Variants in CNGB1 observed in about 807,000 individuals in gnomAD.
CNGB1 encodes cyclic nucleotide gated channel subunit beta 1, also known as cyclic nucleotide-gated channel beta-1.
A neutral mutation model predicts 151.7 loss-of-function variants in CNGB1; 126 were observed. That is an observed-to-expected ratio of 0.83 (90% CI 0.72 to 0.96). The LOEUF (loss-of-function observed/expected upper bound fraction) is 0.96. Among genes scored for constraint, CNGB1 ranks in the 40% least tolerant of loss-of-function variants. The pLI, the probability that CNGB1 is intolerant of heterozygous loss-of-function variation, is 0.00. For synonymous variants in CNGB1, 623 were observed against 635.1 expected (o/e 0.98, Z 0.29); for missense variants, 1,698 against 1,627.0 (o/e 1.04, Z -0.75).
At chr16:57,963,841 C>T (rs750378208) in intron 4 of CNGB1, 31 of 505,140 alleles carry the variant, frequency 6.1e-5, no homozygotes, top group Non-Finnish European at 1.0e-4. Context: ...AATTAACAGT[C>T]TAATGAATGA....
At chr16:57,942,088 C>T (rs1428095828) in intron 14 of CNGB1, among the ~76,000 whole-genome samples, 1 of 152,048 alleles carries the variant, frequency 6.6e-6, no homozygotes, top group Non-Finnish European at 1.5e-5. Flanking sequence ...TGCTACATTG[C>T]CCAGGCTGGT....
At chr16:57,900,119 C>T (rs1960346786) in intron 29 of CNGB1, among the ~76,000 whole-genome samples, 1 of 152,234 alleles carries the variant, frequency 6.6e-6, no homozygotes, top group Admixed American at 6.5e-5. Flanking sequence ...TATCAACATC[C>T]CCCACTTTAT....
intron 13 of CNGB1, 129 bp from the exon 14 acceptor site, chr16:57,949,568 C>CCCCAGGTTG: frequency 6.7e-7 from 1 of 1,492,494 alleles, no homozygotes; most frequent in Non-Finnish European, 9.2e-7. Context: ...AACCAAGGCT[C>CCCCAGGTTG]AACCTGGGGA....
At position 57,897,488 on chromosome 16, in the gene CNGB1, AC is replaced by A. The variant is rs753353134; in HGVS notation, c.3150del (p.Phe1051LeufsTer12). On this transcript the variant is annotated frameshift_variant, in exon 31 of 33. Transcript: ENST00000251102. LOFTEE classifies it high-confidence loss of function. Reference sequence around the variant, plus strand: ...TTATCCAGGATGAAGAGGTTGGTAAACCCGTGCGCCACCACGTTGGCCGTGC... The same window carrying A: ...TTATCCAGGATGAAGAGGTTGGTAAACCGTGCGCCACCACGTTGGCCGTGC... ...NRRTANVVAH[G>X]FTNLFILDKK... 34 of 1,614,120 alleles carry A rather than the reference AC, an allele frequency of 2.1e-5. No individual in the cohort carries two copies. In the Admixed American group the frequency reaches 3.2e-4, roughly 15 times the overall value.
chr16:57,964,517 C>T lies in CNGB1; in HGVS notation c.187G>A (p.Glu63Lys). The T allele has an allele frequency of 1.2e-6, 2 of 1,614,154 alleles. No homozygotes were observed. Among genetic ancestry groups the T allele is most frequent in the South Asian group, 1.1e-5 (1 of 91,086 alleles). The change falls in exon 3 of 33, where the codon GAA becomes AAA. Residue 63 changes from glutamate (E) to lysine (K), a missense_variant. By Grantham distance (56) the Glu-to-Lys change is moderately conservative. Coordinates refer to ENST00000251102, the MANE Select transcript of CNGB1 (RefSeq NM_001297.5). Reference sequence around the variant, plus strand: ...GGGCTTGGGTCTGCCACAGCCACTTCCTCCTCCTTGAATGACTCTTCGGGG... The same window carrying T: ...GGGCTTGGGTCTGCCACAGCCACTTTCTCCTCCTTGAATGACTCTTCGGGG... ...MPPEESFKEEEVAVADPSPQE... is the reference protein window; with the variant it reads ...MPPEESFKEEKVAVADPSPQE...
intron 18 of CNGB1, among the ~76,000 whole-genome samples, chr16:57,922,204 G>A (rs1348428008): frequency 6.6e-6 from 1 of 152,180 alleles, no homozygotes; most frequent in African/African-American, 2.4e-5. Flanking sequence ...CTGGAAGGAA[G>A]AAGGAAAGCC....
At chr16:57,908,330 G>A (rs1205032368) in intron 25 of CNGB1, among the ~76,000 whole-genome samples, 2 of 152,230 alleles carry the variant, frequency 1.3e-5, no homozygotes, top group East Asian at 1.9e-4. Flanking sequence ...CTACAAAGCC[G>A]CCACCTTGGA....
intron 18 of CNGB1, among the ~76,000 whole-genome samples, chr16:57,921,210 T>A (rs1402681330): frequency 6.9e-6 from 1 of 145,932 alleles, no homozygotes; most frequent in Non-Finnish European, 1.5e-5. Context: ...CTGGAGAAAA[T>A]GAGGCTCTTT....
Position 57,917,340 on chromosome 16 carries a change from G to A in CNGB1, c.2094C>T (p.Cys698=), listed in dbSNP as rs563059002. 2.7e-5 allele frequency: 44 copies of A among 1,614,092 alleles called. No individual in the cohort carries two copies. The South Asian group carries it at 2.9e-4, about 10-fold the overall frequency. Residue 698 remains cysteine, a synonymous_variant, in exon 21 of 33, where the codon TGC becomes TGT. Transcript: ENST00000251102. The part of the protein sequence containing the change: ...IHHWLLMDYL[C]DLIYFLDITV... ...TGATGTCCAGGAAGTAGATGAGGTC[G>A]CATAGGTAATCCATCAGCAGCCAGT...
At chr16:57,938,795 G>A (rs1332110274) in intron 16 of CNGB1, among the ~76,000 whole-genome samples, 1 of 152,168 alleles carries the variant, frequency 6.6e-6, no homozygotes, top group African/African-American at 2.4e-5. Context: ...GGTCCCACCT[G>A]TCCCAGCTCC....
chr16:57,950,452 A>G lies in CNGB1; in HGVS notation c.963T>C (p.Ser321=), dbSNP rs764647429. 2.5e-6 allele frequency: 4 copies of G among 1,614,076 alleles called. No homozygotes were observed. The highest frequency in any genetic ancestry group is 1.3e-5 in the African/African-American group (1 of 74,922). The change falls in exon 13 of 33, where the codon AGT becomes AGC. Residue 321 remains serine, a synonymous_variant. Transcript: ENST00000251102. ...CCACCTCTGTACCCTGTGGGCTGGT[A>G]CTGACATCCTGGTGGGCATCCTCCC... The part of the protein sequence containing the change: ...PPWEDAHQDV[S]TSPQGTEVVP...
intron 23 of CNGB1, among the ~76,000 whole-genome samples, chr16:57,913,953 C>T (rs1960798208): frequency 6.6e-6 from 1 of 152,208 alleles, no homozygotes; most frequent in Non-Finnish European, 1.5e-5. Context: ...GAGCTGCAAG[C>T]TCTCTCCTTA....
rs548579861 is a variant in CNGB1 at position 57,882,838 on chromosome 16, A to G, written c.*1326T>C. 1 of 146,812 alleles carries G rather than the reference A, an allele frequency of 6.8e-6. No homozygotes were observed. Among genetic ancestry groups the G allele is most frequent in the Admixed American group, 7.0e-5 (1 of 14,380 alleles). 9.1% of individuals were successfully genotyped at this position (146,812 alleles called of 1,614,324 possible). ...GTCTGAATCATAAAAGCAACATGACACGATCTGGAAAGCTTTAGGGAATGT... is the reference window on the plus strand; with the variant it reads ...GTCTGAATCATAAAAGCAACATGACGCGATCTGGAAAGCTTTAGGGAATGT... On this transcript the variant is annotated 3_prime_UTR_variant, in exon 33 of 33. Coordinates refer to ENST00000251102, the MANE Select transcript of CNGB1 (RefSeq NM_001297.5).
At chr16:57,899,743 A>G (rs1349060231) in intron 29 of CNGB1, among the ~76,000 whole-genome samples, 1 of 152,176 alleles carries the variant, frequency 6.6e-6, no homozygotes, top group East Asian at 1.9e-4. Context: ...TTTCCTGTGC[A>G]TTTCACACAT....
chr16:57,964,479 G>A lies in CNGB1; in HGVS notation c.217+8C>T, dbSNP rs765712517. Reference sequence around the variant, plus strand: ...CATGCCAGCCTGGGCTTCAGCACTCGCACTCACCCTGAGGGCTTGGGTCTG... The same window carrying A: ...CATGCCAGCCTGGGCTTCAGCACTCACACTCACCCTGAGGGCTTGGGTCTG... On this transcript the variant is annotated splice_region_variant and intron_variant, in intron 3 of 32. Transcript: ENST00000251102. The A allele has an allele frequency of 4.3e-5, 70 of 1,613,806 alleles. No individual in the cohort carries two copies. Among genetic ancestry groups the A allele is most frequent in the South Asian group, 3.4e-4 (31 of 91,080 alleles).
At chr16:57,899,950 TCA>T (rs1363374801) in intron 29 of CNGB1, among the ~76,000 whole-genome samples, 1 of 152,170 alleles carries the variant, frequency 6.6e-6, no homozygotes, top group Non-Finnish European at 1.5e-5. Context: ...TAATTTGCAA[TCA>T]CAGACTCTAG....
chr16:57,912,680 TTG>T (rs1338500515), intron 24 of CNGB1, among the ~76,000 whole-genome samples: 3 of 150,294 alleles, frequency 2.0e-5, no homozygotes, highest in South Asian at 2.1e-4. Flanking sequence ...GTGTGTTGTT[TTG>T]TGTTATATCT....
At chr16:57,907,735 A>G (rs529081723) in intron 25 of CNGB1, among the ~76,000 whole-genome samples, 10 of 152,266 alleles carry the variant, frequency 6.6e-5, no homozygotes, top group African/African-American at 2.4e-4. Context: ...GAATGAATGC[A>G]TGGTTTAGCC....
intron 32 of CNGB1, among the ~76,000 whole-genome samples, chr16:57,886,705 C>G (rs1959939198): frequency 6.7e-6 from 1 of 148,972 alleles, no homozygotes; most frequent in African/African-American, 2.6e-5. Context: ...CCCCAGCAGA[C>G]TTCCTAAAGG....
Sources: gnomAD v4.1 joint callset for allele counts (sites outside exome capture counted in the v4.1 genomes callset) on GRCh38, gnomAD v4.1.1 for gene constraint, MANE v1.5 for transcripts, NCBI Gene and HGNC (gene_info 2026-07-23, HGNC 2026-07-21) for gene names.